ZMIZ1: variants seen among roughly 807,000 people sequenced by gnomAD.
The protein encoded by ZMIZ1 is zinc finger MIZ-type containing 1, also known as zinc finger MIZ domain-containing protein 1.
In ZMIZ1, 17 loss-of-function variants were observed where a neutral mutation model predicts 113.9. The ratio of observed to expected loss-of-function variants is 0.15; its 90% CI spans 0.10 to 0.22. The LOEUF (loss-of-function observed/expected upper bound fraction) is 0.22, where lower values mean the gene tolerates loss of function less well. ZMIZ1 is among the 10% of genes least tolerant of loss of function. The pLI, the probability that ZMIZ1 is intolerant of heterozygous loss-of-function variation, is 1.00. For synonymous variants in ZMIZ1, 607 were observed against 603.1 expected, an observed-to-expected ratio of 1.01 and a Z score of -0.09; for missense variants, 1,059 against 1,477.8, an observed-to-expected ratio of 0.72 and a Z score of 4.65.
rs554773959 is a variant in ZMIZ1, at chr10:79,314,583, G to A, written c.*1834G>A. On this transcript the variant is annotated 3_prime_UTR_variant, in exon 25 of 25. Transcript: ENST00000334512. Reference sequence around the variant, plus strand: ...TGTAAATATCTTTGTGAATATTTTAGTATCGTCTTTGATAATATTCAACAT... The same window carrying A: ...TGTAAATATCTTTGTGAATATTTTAATATCGTCTTTGATAATATTCAACAT... 10 of 253,122 alleles carry A rather than the reference G, an allele frequency of 4.0e-5. No homozygotes were observed. In the East Asian group the frequency reaches 4.6e-4, roughly 12 times the overall value. The allele number at this position is 253,122 out of a possible 1,614,324, so 15.7% of individuals were successfully genotyped here.
intron 3 of ZMIZ1, among the ~76,000 whole-genome samples, chr10:79,140,472 A>G (rs1328789499): frequency 6.6e-6 from 1 of 152,160 alleles, no homozygotes; most frequent in African/African-American, 2.4e-5. Flanking sequence ...TACTGCACTC[A>G]TCCTCTCAAG....
intron 7 of ZMIZ1, among the ~76,000 whole-genome samples, chr10:79,229,593 A>G (rs763090677): frequency 2.6e-5 from 4 of 152,232 alleles, no homozygotes; most frequent in African/African-American, 9.6e-5. Flanking sequence ...AAACAGGCAC[A>G]TAATTATAAT....
At chr10:79,217,921 C>T (rs1564531409) in intron 7 of ZMIZ1, among the ~76,000 whole-genome samples, 1 of 152,218 alleles carries the variant, frequency 6.6e-6, no homozygotes, top group Non-Finnish European at 1.5e-5. Context: ...TAAGTCAATA[C>T]AATGTTGACA....
chr10:79,303,998 T>C lies in ZMIZ1; in HGVS notation c.2126-17T>C. On this transcript the variant is annotated splice_polypyrimidine_tract_variant and intron_variant, in intron 18 of 24. Coordinates refer to ENST00000334512, the MANE Select transcript of ZMIZ1 (RefSeq NM_020338.4). Reference sequence around the variant, plus strand: ...CTGTCTTGCCATCCTCACCTGTCTGTGCCTCCTGCCCCGCAGTCAAGCGGA... The same window carrying C: ...CTGTCTTGCCATCCTCACCTGTCTGCGCCTCCTGCCCCGCAGTCAAGCGGA... The C allele has an allele frequency of 6.2e-7, 1 of 1,613,544 alleles. No individual in the cohort carries two copies. Among genetic ancestry groups the C allele is most frequent in the Non-Finnish European group, 8.5e-7 (1 of 1,179,986 alleles).
chr10:79,083,264 A>C (rs1842717926), intron 1 of ZMIZ1, among the ~76,000 whole-genome samples: 1 of 152,248 alleles, frequency 6.6e-6, no homozygotes, highest in South Asian at 2.1e-4. Flanking sequence ...ATTTGAGCAC[A>C]TACCTCAGGG....
chr10:79,127,606 C>G lies in ZMIZ1; in HGVS notation c.-227+8582C>G, dbSNP rs7904055. On this transcript the variant is annotated intron_variant, in intron 2 of 24. Coordinates refer to ENST00000334512, the MANE Select transcript of ZMIZ1 (RefSeq NM_020338.4). ...TGGGTGGCGTTTTCCAGAGGGGGAA[C>G]TGGAGTCAGAGAAGAGAAGGCATGA... Among the ~76,000 whole-genome samples the G allele has an allele frequency of 7.5e-3, 1,140 of 152,206 alleles. 16 individuals carry two copies. The highest frequency in any genetic ancestry group is 0.026 in the African/African-American group (1,072 of 41,540).
intron 1 of ZMIZ1, among the ~76,000 whole-genome samples, chr10:79,097,610 T>C (rs1843216041): frequency 6.6e-6 from 1 of 152,208 alleles, no homozygotes; most frequent in Non-Finnish European, 1.5e-5. Flanking sequence ...TTAATGTTGG[T>C]AATACAGTGC....
At chr10:79,265,308 G>A (rs1212365776) in intron 7 of ZMIZ1, among the ~76,000 whole-genome samples, 1 of 152,060 alleles carries the variant, frequency 6.6e-6, no homozygotes, top group Non-Finnish European at 1.5e-5. Context: ...GCTGGGCCGG[G>A]AGCCTGCTTG....
At chr10:79,075,373 G>A (rs1842432656) in intron 1 of ZMIZ1, among the ~76,000 whole-genome samples, 3 of 152,166 alleles carry the variant, frequency 2.0e-5, no homozygotes, top group Admixed American at 2.0e-4. Context: ...TCTGACTTTG[G>A]GATATTTGTC....
At chr10:79,221,384 A>C (rs1165057150) in intron 7 of ZMIZ1, among the ~76,000 whole-genome samples, 5 of 152,170 alleles carry the variant, frequency 3.3e-5, no homozygotes, top group Non-Finnish European at 7.4e-5. Context: ...CCCAGCCCCC[A>C]GCTCTTTGTT....
chr10:79,113,299 G>A (rs553663351), intron 1 of ZMIZ1, among the ~76,000 whole-genome samples: 4 of 152,332 alleles, frequency 2.6e-5, no homozygotes, highest in South Asian at 2.1e-4. Context: ...CCGAGAGACC[G>A]GCAGCATCCT....
intron 3 of ZMIZ1, among the ~76,000 whole-genome samples, chr10:79,150,492 G>A (rs369924813): frequency 1.3e-5 from 2 of 152,350 alleles, no homozygotes; most frequent in Admixed American, 6.5e-5. Context: ...TGGGGACCTA[G>A]CAGGAGAAAC....
chr10:79,185,250 G>T (rs149407847), intron 4 of ZMIZ1, among the ~76,000 whole-genome samples: 78 of 152,104 alleles, frequency 5.1e-4, no homozygotes, highest in Middle Eastern at 6.9e-3. Context: ...CCCTCCCCCC[G>T]AAATGAGTTC....
chr10:79,165,122 C>G (rs1267375149), intron 4 of ZMIZ1, among the ~76,000 whole-genome samples: 1 of 152,170 alleles, frequency 6.6e-6, no homozygotes, highest in East Asian at 1.9e-4. Flanking sequence ...GTGGGGGCCT[C>G]AGACCTAGGT....
intron 1 of ZMIZ1, among the ~76,000 whole-genome samples, chr10:79,116,171 T>A (rs567219314): frequency 1.3e-5 from 2 of 151,926 alleles, no homozygotes; most frequent in African/African-American, 4.8e-5. Flanking sequence ...GAAGCCTGGG[T>A]CCCCAGGAGA....
At chr10:79,103,025 C>G (rs763768562) in intron 1 of ZMIZ1, among the ~76,000 whole-genome samples, 5 of 152,092 alleles carry the variant, frequency 3.3e-5, no homozygotes, top group African/African-American at 4.8e-5. Context: ...GTAGTACGTG[C>G]AGTACAGTAG....
intron 7 of ZMIZ1, among the ~76,000 whole-genome samples, chr10:79,276,141 T>C (rs1468375150): frequency 1.3e-5 from 2 of 152,148 alleles, no homozygotes; most frequent in African/African-American, 2.4e-5. Context: ...CCCTGCAGCC[T>C]GGGAGGAAGG....
rs531989578 is a variant in ZMIZ1, at chr10:79,315,397, A to G, written c.*2648A>G. The G allele has an allele frequency of 7.2e-5, 11 of 152,938 alleles. No individual in the cohort carries two copies. The highest frequency in any genetic ancestry group is 2.6e-4 in the African/African-American group (11 of 41,570). The allele number at this position is 152,938 out of a possible 1,614,324, so 9.5% of individuals were successfully genotyped here. On this transcript the variant is annotated 3_prime_UTR_variant, in exon 25 of 25. Coordinates refer to ENST00000334512, the MANE Select transcript of ZMIZ1 (RefSeq NM_020338.4). ...TGAACTCTGGAGAGATCCTTCCCTG[A>G]TCCTTTCGGACGACTACTTGGAGCC...
intron 5 of ZMIZ1, among the ~76,000 whole-genome samples, chr10:79,203,122 C>T (rs1848169919): frequency 6.6e-6 from 1 of 152,142 alleles, no homozygotes; most frequent in African/African-American, 2.4e-5. Context: ...CTGCTGGCCC[C>T]TGGGCTTCCG....
Sources: allele counts gnomAD v4.1 joint callset (sites outside exome capture counted in the v4.1 genomes callset), GRCh38; gene constraint gnomAD v4.1.1; transcripts MANE v1.5; gene names NCBI Gene and HGNC (gene_info 2026-07-23, HGNC 2026-07-21).